Variants in ZNF567 observed in about 807,000 individuals in gnomAD.
ZNF567 encodes the protein zinc finger protein 567.
A neutral mutation model predicts 53.9 loss-of-function variants in ZNF567; 36 were observed. That is an observed-to-expected ratio of 0.67 (90% CI 0.51 to 0.88). The LOEUF (loss-of-function observed/expected upper bound fraction) is 0.88. Ranked by LOEUF, ZNF567 falls within the 40% of genes least tolerant of loss-of-function variation. The pLI, the probability that ZNF567 is intolerant of heterozygous loss-of-function variation, is 0.00. For synonymous variants in ZNF567, 224 were observed against 260.4 expected (o/e 0.86, Z 1.35); for missense variants, 619 against 764.7 (o/e 0.81, Z 2.25).
chr19:36,720,088 G>C lies in ZNF567; in HGVS notation c.1364G>C (p.Gly455Ala). ...EEKPYICSEC[G>A]KSFRQKTTLV... The stretch of plus-strand genomic sequence containing the variant: ...AAACCCTATATTTGTAGTGAATGTG[G>C]AAAGTCCTTCCGCCAGAAGACAACC... Residue 455 changes from glycine (G) to alanine (A), a missense_variant, in exon 6 of 6, where the codon GGA becomes GCA. Physicochemically the swap from Gly to Ala is moderately conservative, Grantham distance 60. Transcript: ENST00000682579. 1.2e-6 allele frequency: 2 copies of C among 1,614,096 alleles called. No homozygotes were observed. Among genetic ancestry groups the C allele is most frequent in the Non-Finnish European group, 1.7e-6 (2 of 1,180,018 alleles).
At chr19:36,718,017 G>A (rs1441527300) in intron 5 of ZNF567, among the ~76,000 whole-genome samples, 1 of 152,208 alleles carries the variant, frequency 6.6e-6, no homozygotes, top group Non-Finnish European at 1.5e-5. Flanking sequence ...GCTATCGGAA[G>A]TATTTTCCTA....
rs766184179 is a variant in ZNF567, at chr19:36,719,104, C to A, written c.380C>A (p.Ser127Ter). 3 of 1,610,752 alleles carry A rather than the reference C, an allele frequency of 1.9e-6. No individual in the cohort carries two copies. The South Asian group carries it at 3.3e-5, about 18-fold the overall frequency. The stretch of plus-strand genomic sequence containing the variant: ...ACTCTAGGCAAAAACCCTGTGAATT[C>A]AAAAAATCTACCTCCTGAATATGAT... ...TFTLGKNPVN[S>*]KNLPPEYDTH... The change falls in exon 6 of 6, where the codon TCA (serine) becomes TAA (stop). Residue 127 changes from serine to a stop codon, truncating the protein, a stop_gained. Transcript: ENST00000682579. LOFTEE classifies it high-confidence loss of function.
At position 36,719,304 on chromosome 19, in the gene ZNF567, A is replaced by T; in HGVS notation, c.580A>T (p.Asn194Tyr). The change falls in exon 6 of 6, where the codon AAT becomes TAT. Residue 194 changes from asparagine (N) to tyrosine (Y), a missense_variant. By Grantham distance (143) the Asn-to-Tyr change is moderately radical. Coordinates refer to ENST00000682579, the MANE Select transcript of ZNF567 (RefSeq NM_001322917.1). The part of the protein sequence containing the change: ...HNQSARAFSH[N>Y]EVLMQYQKTE... ...TCAAAGTGCCAGAGCTTTCAGTCAT[A>T]ATGAAGTTCTTATGCAGTATCAGAA... The T allele has an allele frequency of 6.2e-7, 1 of 1,613,890 alleles. No individual in the cohort carries two copies. Among genetic ancestry groups the T allele is most frequent in the East Asian group, 2.2e-5 (1 of 44,854 alleles).
At chr19:36,716,711 G>A (rs1423504462) in intron 5 of ZNF567, among the ~76,000 whole-genome samples, 1 of 152,180 alleles carries the variant, frequency 6.6e-6, no homozygotes. Context: ...CATTCAGAAA[G>A]CATATACTAG....
intron 3 of ZNF567, among the ~76,000 whole-genome samples, chr19:36,697,045 G>A (rs529765125): frequency 3.3e-5 from 5 of 152,204 alleles, no homozygotes; most frequent in Non-Finnish European, 5.9e-5. Context: ...CATTTCATTA[G>A]GAGACAAGAA....
At chr19:36,716,353 T>G (rs1050413873) in intron 5 of ZNF567, among the ~76,000 whole-genome samples, 1 of 152,236 alleles carries the variant, frequency 6.6e-6, no homozygotes, top group Admixed American at 6.5e-5. Flanking sequence ...CTGTGAAATC[T>G]TCCTTGATTA....
At chr19:36,707,296 A>T (rs909198183) in intron 3 of ZNF567, among the ~76,000 whole-genome samples, 2 of 152,026 alleles carry the variant, frequency 1.3e-5, no homozygotes, top group Admixed American at 6.6e-5. Context: ...ATTGCATTTG[A>T]GCTAAGTCAG....
rs1043215360 is a variant in ZNF567, at chr19:36,694,794, C to T, written c.-66-8C>T. ...GTGGCTTTTTTTGTCTCGGCTTTGC[C>T]TCCTTAGGAACTGCCTCTTTTCTAA... On this transcript the variant is annotated splice_polypyrimidine_tract_variant and splice_region_variant and intron_variant, in intron 2 of 5. Coordinates refer to ENST00000682579, the MANE Select transcript of ZNF567 (RefSeq NM_001322917.1). The T allele has an allele frequency of 4.2e-6, 6 of 1,441,186 alleles. No homozygotes were observed. The African/African-American group carries it at 5.8e-5, about 14-fold the overall frequency. The allele number at this position is 1,441,186 out of a possible 1,614,324, so 89.3% of individuals were successfully genotyped here.
At chr19:36,668,242 G>T in the ZNF567 span, 1 of 152,364 alleles carries the variant, frequency 6.6e-6, no homozygotes, top group African/African-American at 2.4e-5. Context: ...CACCGCGCTG[G>T]GTGGTGAAAC....
In ZNF567 at chr19:36,720,592, G is replaced by A. The variant is rs761534699; in HGVS notation, c.1868G>A (p.Gly623Asp). 1.1e-5 allele frequency: 17 copies of A among 1,608,546 alleles called. No homozygotes were observed. The South Asian group carries it at 1.6e-4, about 15-fold the overall frequency. Residue 623 changes from glycine to aspartate, a missense_variant, in exon 6 of 6, where the codon GGT becomes GAT. Transcript: ENST00000682579. ...AAACCCTATGTTTGTAATGAGTGTG[G>A]TAAGTCTTTCAGTTATAAGAGAAAC... ...GEKPYVCNEC[G>D]KSFSYKRNLI...
upstream of ZNF567, among the ~76,000 whole-genome samples, chr19:36,682,962 T>C (rs1375183884): frequency 6.6e-6 from 1 of 152,004 alleles, no homozygotes; most frequent in East Asian, 1.9e-4. Context: ...GTGCTTCCTC[T>C]CTCTCTCTTT....
intron 5 of ZNF567, among the ~76,000 whole-genome samples, chr19:36,717,265 A>G (rs2040108521): frequency 6.6e-6 from 1 of 152,174 alleles, no homozygotes; most frequent in Non-Finnish European, 1.5e-5. Context: ...CCTAGGCAAT[A>G]ATTATATTGC....
Position 36,720,680 on chromosome 19 carries a change from T to C in ZNF567, c.*12T>C. Reference sequence around the variant, plus strand: ...TTGAAATGCAATAAATGATGTGGTTTCTTATATGAATTCTTTACAAGCTGT... The same window carrying C: ...TTGAAATGCAATAAATGATGTGGTTCCTTATATGAATTCTTTACAAGCTGT... On this transcript the variant is annotated 3_prime_UTR_variant, in exon 6 of 6. Coordinates refer to ENST00000682579, the MANE Select transcript of ZNF567 (RefSeq NM_001322917.1). 2 of 1,511,574 alleles carry C rather than the reference T, an allele frequency of 1.3e-6. No homozygotes were observed. Among genetic ancestry groups the C allele is most frequent in the Non-Finnish European group, 1.8e-6 (2 of 1,132,832 alleles). 93.6% of individuals were successfully genotyped at this position (1,511,574 alleles called of 1,614,324 possible). A position where few individuals can be genotyped will look rare whatever the true frequency, so the allele number is the denominator to read the frequency against.
chr19:36,708,929 G>A (rs576544032), intron 3 of ZNF567, among the ~76,000 whole-genome samples: 1 of 152,302 alleles, frequency 6.6e-6, no homozygotes, highest in Admixed American at 6.5e-5. Flanking sequence ...TAGGATTACA[G>A]TATGGATCTT....
intron 3 of ZNF567, among the ~76,000 whole-genome samples, chr19:36,699,776 T>A (rs1196821241): frequency 6.6e-6 from 1 of 151,626 alleles, no homozygotes; most frequent in Non-Finnish European, 1.5e-5. Context: ...TGATTTTGTA[T>A]CCTGAGACTT....
chr19:36,701,047 C>T (rs2039154920), intron 3 of ZNF567, among the ~76,000 whole-genome samples: 1 of 151,816 alleles, frequency 6.6e-6, no homozygotes, highest in Non-Finnish European at 1.5e-5. Flanking sequence ...CCTGCTTTCT[C>T]TTGTGGGCAT....
chr19:36,723,394 A>G (rs2040320229), downstream of ZNF567: 1 of 621,502 alleles, frequency 1.6e-6, no homozygotes, highest in African/African-American at 1.8e-5. Context: ...TTATCATGAA[A>G]TAGCCATGTA....
chr19:36,714,622 T>C, intron 5 of ZNF567: 2 of 383,708 alleles, frequency 5.2e-6, no homozygotes, highest in Non-Finnish European at 9.2e-6. Flanking sequence ...CAAATTTAGC[T>C]ATTAATTTTA....
upstream of ZNF567, chr19:36,686,857 A>G (rs2038285625): frequency 6.6e-6 from 1 of 152,272 alleles, no homozygotes; most frequent in Non-Finnish European, 1.5e-5. Context: ...TGCAGAGCCC[A>G]AGAAACAATC....
Sources: gnomAD v4.1 joint callset for allele counts (sites outside exome capture counted in the v4.1 genomes callset) on GRCh38, gnomAD v4.1.1 for gene constraint, MANE v1.5 for transcripts, NCBI Gene and HGNC (gene_info 2026-07-23, HGNC 2026-07-21) for gene names.